The following NOMO2 variants were observed in gnomAD, a reference collection of about 807,000 sequenced individuals.
NOMO2 encodes the protein NODAL modulator 2, also known as BOS complex subunit NOMO2.
Under a neutral mutation model 67.1 loss-of-function variants are expected in NOMO2, and 14 were observed. The observed-to-expected ratio is 0.21, with a 90% confidence interval of 0.14 to 0.33. NOMO2 has a LOEUF of 0.33. Ranked by LOEUF, NOMO2 falls within the 10% of genes least tolerant of loss-of-function variation. The pLI is 1.00. For missense variants in NOMO2, 178 were observed against 761.0 expected (o/e 0.23, Z 9.01); for synonymous variants, 80 against 305.9 (o/e 0.26, Z 7.71).
intron 15 of NOMO2, among the ~76,000 whole-genome samples, 159 bp from the exon 16 acceptor site, chr16:18,527,783 C>T (rs1901178734): frequency 7.6e-6 from 1 of 132,378 alleles, no homozygotes; most frequent in African/African-American, 2.8e-5. Context: ...AAACTTCCAA[C>T]AAAAGTGTGC....
At position 18,531,450 on chromosome 16, in the gene NOMO2, T is replaced by G. The variant is rs776862853; in HGVS notation, c.1537+16A>C. 2 of 1,612,976 alleles carry G rather than the reference T, an allele frequency of 1.2e-6. No homozygotes were observed. Among genetic ancestry groups the G allele is most frequent in the African/African-American group, 2.7e-5 (2 of 74,744 alleles). On this transcript the variant is annotated intron_variant, in intron 13 of 30. Coordinates refer to ENST00000622306, the MANE Select transcript of NOMO2 (RefSeq NM_173614.4). Reference sequence around the variant, plus strand: ...TCTTTGAAACTATGTGTTCTTACTTTCCAGTGATATCTTACCCAAACAAGA... The same window carrying G: ...TCTTTGAAACTATGTGTTCTTACTTGCCAGTGATATCTTACCCAAACAAGA...
At chr16:18,527,293 C>A (rs1324489670) in intron 16 of NOMO2, among the ~76,000 whole-genome samples, 3 of 151,324 alleles carry the variant, frequency 2.0e-5, no homozygotes, top group East Asian at 1.9e-4. Flanking sequence ...GAAATGATTC[C>A]AATTTTAAAA....
At chr16:18,549,334 G>A (rs1250140074) in intron 5 of NOMO2, among the ~76,000 whole-genome samples, 187 bp downstream of exon 5, 19 of 150,746 alleles carry the variant, frequency 1.3e-4, no homozygotes, top group Admixed American at 2.7e-4. Flanking sequence ...AGGCAAGATG[G>A]GTCAAATGGA....
intron 2 of NOMO2, among the ~76,000 whole-genome samples, chr16:18,556,789 AATAACT>A: frequency 6.6e-6 from 1 of 152,206 alleles, no homozygotes; most frequent in African/African-American, 2.4e-5. Context: ...TGGATACCTG[AATAACT>A]ATAAATAGAA....
chr16:18,528,291 C>T (rs1367071797), intron 15 of NOMO2, among the ~76,000 whole-genome samples: 1 of 149,848 alleles, frequency 6.7e-6, no homozygotes, highest in Non-Finnish European at 1.5e-5. Flanking sequence ...GATCTTATTA[C>T]AAGAGAGCTG....
intron 2 of NOMO2, among the ~76,000 whole-genome samples, chr16:18,557,221 A>G (rs1901928176): frequency 6.6e-6 from 1 of 152,010 alleles, no homozygotes; most frequent in African/African-American, 2.4e-5. Context: ...AAAGGGTACA[A>G]ATTTATTTCA....
At chr16:18,543,274 G>A (rs1901589133) in intron 7 of NOMO2, among the ~76,000 whole-genome samples, 1 of 147,492 alleles carries the variant, frequency 6.8e-6, no homozygotes, top group African/African-American at 2.5e-5. Flanking sequence ...CACCTCCTGG[G>A]TTCAAGCGAT....
intron 11 of NOMO2, among the ~76,000 whole-genome samples, chr16:18,534,132 AAC>A (rs1291950229): frequency 6.6e-6 from 1 of 151,994 alleles, no homozygotes; most frequent in Non-Finnish European, 1.5e-5. Context: ...AACAGTGGAA[AAC>A]ACAAGGAAAT....
At chr16:18,523,684 GA>G (rs1159588524) in intron 18 of NOMO2, among the ~76,000 whole-genome samples, 159 bp downstream of exon 18, 1 of 80,030 alleles carries the variant, frequency 1.2e-5, no homozygotes, top group Non-Finnish European at 2.4e-5. Flanking sequence ...AGGCTGCTGG[GA>G]ATTGACGGCA....
At chr16:18,547,646 C>A (rs1188516535) in intron 5 of NOMO2, among the ~76,000 whole-genome samples, 1 of 151,768 alleles carries the variant, frequency 6.6e-6, no homozygotes, top group Non-Finnish European at 1.5e-5. Context: ...AGGTGACAGG[C>A]ATGAACTGAC....
chr16:18,539,099 TCCTG>T (rs1420163362), intron 9 of NOMO2, 135 bp from the exon 10 acceptor site: 1 of 674,110 alleles, frequency 1.5e-6, no homozygotes, highest in African/African-American at 1.8e-5. Context: ...AGTGCCCCGG[TCCTG>T]TGTGCCAGCC....
chr16:18,529,927 C>T (rs1481912797), intron 14 of NOMO2, among the ~76,000 whole-genome samples: 2 of 150,552 alleles, frequency 1.3e-5, no homozygotes, highest in African/African-American at 4.9e-5. Context: ...ACCAGTCTGA[C>T]CAACATAGCA....
chr16:18,550,837 A>G (rs1031431455), intron 4 of NOMO2, among the ~76,000 whole-genome samples: 1 of 151,996 alleles, frequency 6.6e-6, no homozygotes, highest in Non-Finnish European at 1.5e-5. Flanking sequence ...CCAATTCGGC[A>G]TCCCTGTAAA....
intron 3 of NOMO2, among the ~76,000 whole-genome samples, chr16:18,554,083 T>G (rs1901851279): frequency 6.6e-6 from 1 of 151,842 alleles, no homozygotes; most frequent in African/African-American, 2.4e-5. Context: ...TCTTCTGATC[T>G]CAACCCCATC....
At chr16:18,543,250 C>G (rs1901588710) in intron 7 of NOMO2, among the ~76,000 whole-genome samples, 3 of 146,162 alleles carry the variant, frequency 2.1e-5, no homozygotes, top group African/African-American at 5.0e-5. Context: ...GTGATCTTGG[C>G]TCACTGCAAC....
intron 17 of NOMO2, 80 bp downstream of exon 17, chr16:18,524,406 ACTC>A (rs1901097503): frequency 9.9e-7 from 1 of 1,008,598 alleles, no homozygotes; most frequent in South Asian, 1.5e-5. Context: ...AAACAGAAAA[ACTC>A]CTTTTGTTCT....
chr16:18,544,367 T>C (rs1901619564), intron 6 of NOMO2, among the ~76,000 whole-genome samples: 1 of 151,994 alleles, frequency 6.6e-6, no homozygotes, highest in African/African-American at 2.4e-5. Flanking sequence ...GAGCATATTT[T>C]GCCTTTTTTT....
At chr16:18,556,765 T>C (rs1277835250) in intron 2 of NOMO2, among the ~76,000 whole-genome samples, 3 of 152,074 alleles carry the variant, frequency 2.0e-5, no homozygotes, top group African/African-American at 7.2e-5. Context: ...TGTATACATA[T>C]GCATGTGTAC....
intron 5 of NOMO2, among the ~76,000 whole-genome samples, chr16:18,548,404 T>A (rs388748): frequency 0.76 from 112,466 of 148,728 alleles, 41,478 homozygotes; most frequent in East Asian, 0.96. Flanking sequence ...TAAAATTGAA[T>A]AACTTACTGA....
Sources: gnomAD v4.1 joint callset for allele counts (sites outside exome capture counted in the v4.1 genomes callset) on GRCh38, gnomAD v4.1.1 for gene constraint, MANE v1.5 for transcripts, NCBI Gene and HGNC (gene_info 2026-07-23, HGNC 2026-07-21) for gene names.